PIP5K1B: variants seen among roughly 807,000 people sequenced by gnomAD.
PIP5K1B encodes phosphatidylinositol-4-phosphate 5-kinase type 1 beta.
Under a neutral mutation model 67.0 loss-of-function variants are expected in PIP5K1B, and 42 were observed. That is an observed-to-expected ratio of 0.63 (90% confidence interval 0.49 to 0.81). PIP5K1B has a LOEUF of 0.81. PIP5K1B is among the 30% of genes least tolerant of loss of function. The pLI is 0.00. For missense variants in PIP5K1B, 459 were observed against 646.3 expected (o/e 0.71, Z 3.14); for synonymous variants, 214 against 231.4 (o/e 0.92, Z 0.68).
intron 15 of PIP5K1B, among the ~76,000 whole-genome samples, chr9:68,995,278 C>T (rs779346351): frequency 2.0e-5 from 3 of 151,968 alleles, no homozygotes; most frequent in Non-Finnish European, 2.9e-5. Context: ...AAGTATCTAC[C>T]GTTGTTTCTC....
rs144530902 is a variant in PIP5K1B at position 68,919,488 on chromosome 9, C to T, written c.993C>T (p.Gly331=). 7.0e-4 allele frequency: 1,085 copies of T among 1,560,062 alleles called. 6 individuals carry two copies. The African/African-American group carries it at 0.013, about 18-fold the overall frequency. ...IITENPDTMG[G]IPAKSHRGEK... is the part of the protein sequence containing the mutation. ...TTTGCTCCATCAACAGAATGGGAGG[C>T]ATTCCAGCTAAAAGCCATAGGGGAG... Residue 331 remains glycine, a synonymous_variant, in exon 10 of 16, where the codon GGC becomes GGT. Coordinates refer to ENST00000265382, the MANE Select transcript of PIP5K1B (RefSeq NM_003558.4).
At chr9:68,983,403 GTT>G (rs1240220958) in intron 14 of PIP5K1B, among the ~76,000 whole-genome samples, 6 of 152,074 alleles carry the variant, frequency 3.9e-5, no homozygotes, top group Admixed American at 1.3e-4. Context: ...AGCAAGGAGA[GTT>G]TGCTGTTTGG....
intron 9 of PIP5K1B, 72 bp downstream of exon 9, chr9:68,917,831 C>A: frequency 9.1e-7 from 1 of 1,100,868 alleles, no homozygotes; most frequent in South Asian, 1.3e-5. Flanking sequence ...TATAGACAGT[C>A]ACATTCACCT....
At chr9:68,881,554 A>AT (rs1223326328) in intron 6 of PIP5K1B, among the ~76,000 whole-genome samples, 1 of 152,158 alleles carries the variant, frequency 6.6e-6, no homozygotes, top group African/African-American at 2.4e-5. Flanking sequence ...TACCTGCGAT[A>AT]TGTGTGTATT....
intron 14 of PIP5K1B, among the ~76,000 whole-genome samples, chr9:68,942,225 G>A (rs894813128): frequency 6.6e-6 from 1 of 152,082 alleles, no homozygotes; most frequent in African/African-American, 2.4e-5. Context: ...TGAACACATG[G>A]GTCTATATAA....
At chr9:68,816,202 C>T (rs996067265) in intron 2 of PIP5K1B, among the ~76,000 whole-genome samples, 2 of 152,130 alleles carry the variant, frequency 1.3e-5, no homozygotes, top group African/African-American at 4.8e-5. Context: ...GATCTCGGCT[C>T]ACTACATCCT....
chr9:68,775,491 G>C (rs1401721884), intron 2 of PIP5K1B, among the ~76,000 whole-genome samples: 1 of 152,178 alleles, frequency 6.6e-6, no homozygotes, highest in Admixed American at 6.5e-5. Context: ...TCTGGTAACT[G>C]AGATGGCTAC....
At chr9:68,932,423 TATTA>T (rs1214703878) in intron 12 of PIP5K1B, among the ~76,000 whole-genome samples, 1 of 152,198 alleles carries the variant, frequency 6.6e-6, no homozygotes, top group Non-Finnish European at 1.5e-5. Flanking sequence ...TAAAAATATT[TATTA>T]ATTCTTACCA....
At chr9:68,808,224 G>A (rs1832974516) in intron 2 of PIP5K1B, among the ~76,000 whole-genome samples, 1 of 152,044 alleles carries the variant, frequency 6.6e-6, no homozygotes, top group African/African-American at 2.4e-5. Flanking sequence ...AAAAGGGGAA[G>A]AAAAAATGTA....
intron 12 of PIP5K1B, among the ~76,000 whole-genome samples, chr9:68,924,015 A>G (rs1211049521): frequency 6.6e-6 from 1 of 152,058 alleles, no homozygotes; most frequent in Non-Finnish European, 1.5e-5. Context: ...AAAAACCTCA[A>G]GATGAATGAA....
chr9:68,824,702 T>C (rs1309196706), intron 4 of PIP5K1B, among the ~76,000 whole-genome samples: 1 of 152,162 alleles, frequency 6.6e-6, no homozygotes, highest in Non-Finnish European at 1.5e-5. Flanking sequence ...TTGATATGAA[T>C]AGCAAGAAGA....
intron 2 of PIP5K1B, among the ~76,000 whole-genome samples, chr9:68,754,371 G>A (rs1023750112): frequency 2.7e-5 from 4 of 150,876 alleles, no homozygotes; most frequent in Admixed American, 2.0e-4. Flanking sequence ...GGGTTTCACC[G>A]TGTTAGCCAG....
At chr9:68,751,149 C>T (rs1201521509) in intron 2 of PIP5K1B, among the ~76,000 whole-genome samples, 2 of 152,172 alleles carry the variant, frequency 1.3e-5, no homozygotes, top group Non-Finnish European at 2.9e-5. Flanking sequence ...AGTCGTGTAA[C>T]CTCTAAGCCT....
chr9:68,837,690 T>G (rs1183389987), intron 4 of PIP5K1B, among the ~76,000 whole-genome samples: 1 of 151,684 alleles, frequency 6.6e-6, no homozygotes, highest in African/African-American at 2.4e-5. Context: ...TTTGCTCTTA[T>G]TTTGTAATTT....
intron 1 of PIP5K1B, among the ~76,000 whole-genome samples, chr9:68,714,622 C>T (rs887763091): frequency 6.6e-6 from 1 of 152,168 alleles, no homozygotes; most frequent in South Asian, 2.1e-4. Flanking sequence ...CTCACGGAAG[C>T]ACACAAATTC....
At chr9:68,815,001 C>A (rs919178505) in intron 2 of PIP5K1B, among the ~76,000 whole-genome samples, 2 of 151,756 alleles carry the variant, frequency 1.3e-5, no homozygotes, top group African/African-American at 4.8e-5. Flanking sequence ...AATGAATTTG[C>A]GGAGAAAAGC....
intron 2 of PIP5K1B, among the ~76,000 whole-genome samples, chr9:68,811,453 A>T (rs918359342): frequency 6.6e-6 from 1 of 152,182 alleles, no homozygotes; most frequent in African/African-American, 2.4e-5. Context: ...TAGAAGGTAG[A>T]TGAGAAAAAC....
At chr9:68,724,358 T>G (rs1828053175) in intron 1 of PIP5K1B, among the ~76,000 whole-genome samples, 1 of 152,102 alleles carries the variant, frequency 6.6e-6, no homozygotes, top group Non-Finnish European at 1.5e-5. Flanking sequence ...TGCTCAACAT[T>G]TCTTTAGCTA....
intron 4 of PIP5K1B, among the ~76,000 whole-genome samples, chr9:68,854,843 T>C (rs914266888): frequency 6.6e-6 from 1 of 152,216 alleles, no homozygotes; most frequent in Non-Finnish European, 1.5e-5. Context: ...CCTTCCTGTC[T>C]TATTTTCCTC....
Sources: gnomAD v4.1 joint callset for allele counts (sites outside exome capture counted in the v4.1 genomes callset) on GRCh38, gnomAD v4.1.1 for gene constraint, MANE v1.5 for transcripts, NCBI Gene and HGNC (gene_info 2026-07-23, HGNC 2026-07-21) for gene names.